Variants in SHLD2 observed in about 807,000 individuals in gnomAD.
The protein encoded by SHLD2 is shieldin complex subunit 2.
In SHLD2, 30 loss-of-function variants were observed where a neutral mutation model predicts 73.2. The observed-to-expected ratio is 0.41, with a 90% CI of 0.31 to 0.56. The LOEUF is 0.56. SHLD2 is among the 20% of genes least tolerant of loss of function. The pLI is 0.28. For missense variants in SHLD2, 745 were observed against 1,055.9 expected (o/e 0.71, Z 4.08); for synonymous variants, 285 against 370.1 (o/e 0.77, Z 2.64).
At chr10:87,149,705 CAA>C (rs924453530) in intron 2 of SHLD2, among the ~76,000 whole-genome samples, 2 of 151,856 alleles carry the variant, frequency 1.3e-5, no homozygotes, top group African/African-American at 2.4e-5. Context: ...GACTGGGTGA[CAA>C]GAGCAAAACT....
At chr10:87,095,288 A>G (rs1290196556) in intron 1 of SHLD2, 40 bp downstream of exon 1, 1 of 137,960 alleles carries the variant, frequency 7.2e-6, no homozygotes, top group Non-Finnish European at 1.6e-5. Context: ...GGTTGGGGGT[A>G]GCCCAGGGAG....
chr10:87,101,206 A>G (rs1220595505), intron 2 of SHLD2, among the ~76,000 whole-genome samples: 2 of 151,972 alleles, frequency 1.3e-5, no homozygotes, highest in African/African-American at 4.8e-5. Context: ...AGAATAATTT[A>G]GAATCAAGTA....
chr10:87,119,022 GTTAA>G (rs1351644150), intron 2 of SHLD2, among the ~76,000 whole-genome samples: 2 of 151,170 alleles, frequency 1.3e-5, no homozygotes, highest in Admixed American at 1.3e-4. Flanking sequence ...AGTTCTCAAT[GTTAA>G]TTACCCATTT....
rs11202359 is a variant in SHLD2 at position 87,163,960 on chromosome 10, T to C, written c.1633+5805T>C. 5.0e-3 allele frequency among the ~76,000 whole-genome samples: 716 copies of C among 142,366 alleles called. 7 individuals carry two copies. Among genetic ancestry groups the C allele is most frequent in the African/African-American group, 0.017 (675 of 38,718 alleles). 93.4% of individuals were successfully genotyped at this position (142,366 alleles called of 152,430 possible). ...CATTTTCTTTTCTTTTCTTTTCTTT[T>C]CTTTTTTTTTTTTTTGAGATGGACT... is the stretch of plus-strand genomic sequence containing the variant. On this transcript the variant is annotated intron_variant, in intron 4 of 9. Transcript: ENST00000298786.
At chr10:87,142,795 TTTG>T (rs928703344) in intron 2 of SHLD2, among the ~76,000 whole-genome samples, 1 of 151,202 alleles carries the variant, frequency 6.6e-6, no homozygotes, top group African/African-American at 2.4e-5. Flanking sequence ...TTGTGTTTGT[TTTG>T]TTTTTCATCT....
rs189287525 is a variant in SHLD2 at position 87,122,904 on chromosome 10, A to C, written c.-6+25915A>C. ...GCCATTCTCCTGCCTCAGCCTCCCG[A>C]GTAGCTGGGACTACAGGCACCTGCC... On this transcript the variant is annotated intron_variant, in intron 2 of 9. Transcript: ENST00000298786. Among the ~76,000 whole-genome samples the C allele has an allele frequency of 2.0e-3, 306 of 152,128 alleles. 2 individuals carry two copies. The highest frequency in any genetic ancestry group is 7.2e-3 in the African/African-American group (297 of 41,498).
intron 2 of SHLD2, among the ~76,000 whole-genome samples, chr10:87,143,583 T>A (rs1589545151): frequency 6.6e-6 from 1 of 152,222 alleles, no homozygotes; most frequent in African/African-American, 2.4e-5. Flanking sequence ...TTCATTGTTA[T>A]TTAAATATTT....
upstream of SHLD2, chr10:87,094,553 A>C (rs1841666915): frequency 6.2e-7 from 1 of 1,612,234 alleles, no homozygotes; most frequent in African/African-American, 1.3e-5. This position sits in a 1 kb window ranked among gnomAD's most constrained non-coding sequence, Gnocchi z 6.6. Context: ...CGATCGAAGA[A>C]GCCCTCCACC....
chr10:87,102,764 T>TA (rs2133945052), intron 2 of SHLD2, among the ~76,000 whole-genome samples: 1 of 152,276 alleles, frequency 6.6e-6, no homozygotes, highest in East Asian at 1.9e-4. Context: ...ACGGTTTCCC[T>TA]ATGTTGCCTA....
intron 2 of SHLD2, among the ~76,000 whole-genome samples, chr10:87,139,270 G>A (rs1321605658): frequency 3.3e-5 from 5 of 151,942 alleles, no homozygotes; most frequent in African/African-American, 9.7e-5. Context: ...AAGCTTCAAG[G>A]CAGGTTTTGA....
intron 2 of SHLD2, among the ~76,000 whole-genome samples, chr10:87,105,252 C>CG (rs1842525231): frequency 6.6e-6 from 1 of 152,106 alleles, no homozygotes; most frequent in Non-Finnish European, 1.5e-5. Flanking sequence ...AAAATTGGGG[C>CG]ACATCTATAA....
intron 2 of SHLD2, among the ~76,000 whole-genome samples, chr10:87,149,084 C>T (rs1325424765): frequency 4.0e-5 from 6 of 151,560 alleles, no homozygotes; most frequent in South Asian, 2.1e-4. Context: ...GATGAAGTTT[C>T]GCCATGTTGG....
At chr10:87,164,608 C>G (rs904260309) in intron 4 of SHLD2, among the ~76,000 whole-genome samples, 9 of 152,080 alleles carry the variant, frequency 5.9e-5, no homozygotes, top group Non-Finnish European at 1.3e-4. Flanking sequence ...GATTACAGGA[C>G]TGGGTCAGGG....
At chr10:87,099,892 A>T (rs541083666) in intron 2 of SHLD2, among the ~76,000 whole-genome samples, 128 of 152,302 alleles carry the variant, frequency 8.4e-4, no homozygotes, top group African/African-American at 3.0e-3. Flanking sequence ...TCATGTGCTT[A>T]TGGACCATTT....
chr10:87,190,278 C>T (rs1225358936), intron 9 of SHLD2, among the ~76,000 whole-genome samples: 4 of 152,198 alleles, frequency 2.6e-5, no homozygotes, highest in African/African-American at 9.7e-5. Context: ...AGGCATGTCT[C>T]GCACTCCTGA....
At chr10:87,138,720 G>A (rs1288878764) in intron 2 of SHLD2, among the ~76,000 whole-genome samples, 2 of 152,230 alleles carry the variant, frequency 1.3e-5, no homozygotes, top group East Asian at 1.9e-4. Flanking sequence ...CAGTACATCT[G>A]CCTAAGAGGG....
At chr10:87,108,324 C>T (rs191036760) in intron 2 of SHLD2, among the ~76,000 whole-genome samples, 3 of 152,320 alleles carry the variant, frequency 2.0e-5, no homozygotes, top group African/African-American at 4.8e-5. Flanking sequence ...GCTAGGATTA[C>T]AGGCGTGAGC....
intron 3 of SHLD2, 68 bp downstream of exon 3, chr10:87,152,947 C>G: frequency 7.0e-7 from 1 of 1,420,496 alleles, no homozygotes; most frequent in South Asian, 1.3e-5. Flanking sequence ...TTGTTTTTCT[C>G]CCACTTAGTC....
intron 2 of SHLD2, among the ~76,000 whole-genome samples, chr10:87,101,260 C>G (rs1842246810): frequency 6.6e-6 from 1 of 152,168 alleles, no homozygotes; most frequent in Non-Finnish European, 1.5e-5. Flanking sequence ...TACTTTGAGT[C>G]TATACCCTTG....
Sources: gnomAD v4.1 joint callset for allele counts (sites outside exome capture counted in the v4.1 genomes callset) on GRCh38, gnomAD v4.1.1 for gene constraint, Gnocchi (gnomAD v3.1) non-coding constraint, MANE v1.5 for transcripts, NCBI Gene and HGNC (gene_info 2026-07-23, HGNC 2026-07-21) for gene names.